TAF3: variants seen among roughly 807,000 people sequenced by gnomAD.
TAF3 encodes transcription initiation factor TFIID subunit 3.
Under a neutral mutation model 80.6 loss-of-function variants are expected in TAF3, and 7 were observed. That is an observed-to-expected ratio of 0.09 (90% CI 0.05 to 0.16). The LOEUF is 0.16. Among genes scored for constraint, TAF3 ranks in the 10% least tolerant of loss-of-function variants. The pLI, the probability that TAF3 is intolerant of heterozygous loss-of-function variation, is 1.00. For missense variants in TAF3, 921 were observed against 1,140.2 expected (o/e 0.81, Z 2.77); for synonymous variants, 444 against 446.1 (o/e 1.00, Z 0.06).
At chr10:7,995,949 T>G (rs1452396017) in intron 4 of TAF3, among the ~76,000 whole-genome samples, 2 of 152,216 alleles carry the variant, frequency 1.3e-5, no homozygotes, top group Non-Finnish European at 2.9e-5. Flanking sequence ...TGATCCAATC[T>G]GAAATATGGA....
intron 2 of TAF3, among the ~76,000 whole-genome samples, chr10:7,847,379 A>G (rs1484781004): frequency 6.6e-6 from 1 of 152,248 alleles, no homozygotes; most frequent in Non-Finnish European, 1.5e-5. Context: ...GAAAGAATAT[A>G]TGAGAGTTTA....
chr10:7,883,834 C>G (rs1319901055), intron 2 of TAF3, among the ~76,000 whole-genome samples: 2 of 152,140 alleles, frequency 1.3e-5, no homozygotes, highest in Admixed American at 6.5e-5. Flanking sequence ...AGGAATTTAT[C>G]TCTTATGGTT....
intron 2 of TAF3, among the ~76,000 whole-genome samples, chr10:7,893,122 A>G (rs1837472416): frequency 1.3e-5 from 2 of 152,218 alleles, no homozygotes; most frequent in Admixed American, 1.3e-4. Flanking sequence ...GCCCAGCTTC[A>G]ATATATTTTC....
chr10:8,007,443 C>T (rs556588950), intron 4 of TAF3, among the ~76,000 whole-genome samples: 53 of 151,148 alleles, frequency 3.5e-4, no homozygotes, highest in African/African-American at 1.3e-3. Context: ...TGTCTTAGGG[C>T]AGTGGTTGCT....
At chr10:7,966,545 G>A (rs1163789897) in intron 3 of TAF3, among the ~76,000 whole-genome samples, 3 of 152,222 alleles carry the variant, frequency 2.0e-5, no homozygotes, top group Admixed American at 1.3e-4. Flanking sequence ...TACAGCAGCC[G>A]GCTGGGTTAT....
intron 2 of TAF3, among the ~76,000 whole-genome samples, chr10:7,865,838 C>T (rs548009107): frequency 1.6e-3 from 238 of 152,352 alleles, no homozygotes; most frequent in African/African-American, 5.4e-3. Flanking sequence ...CCATTTCCTT[C>T]CTTTCTGCTC....
intron 2 of TAF3, among the ~76,000 whole-genome samples, chr10:7,917,201 G>A (rs950574836): frequency 6.6e-5 from 10 of 152,316 alleles, no homozygotes; most frequent in Non-Finnish European, 1.2e-4. Flanking sequence ...AATTTCAGGC[G>A]GTAATAAGTG....
chr10:7,885,319 GTAGT>G (rs1201343180), intron 2 of TAF3, among the ~76,000 whole-genome samples: 4 of 152,024 alleles, frequency 2.6e-5, no homozygotes, highest in Non-Finnish European at 4.4e-5. Context: ...TACCCCCAGT[GTAGT>G]TAGTGAGGTT....
chr10:7,931,157 G>T (rs1003608281), intron 2 of TAF3, among the ~76,000 whole-genome samples: 3 of 152,144 alleles, frequency 2.0e-5, no homozygotes, highest in Non-Finnish European at 4.4e-5. Flanking sequence ...TAGTCAAAAT[G>T]CATCGAGTGT....
chr10:7,850,695 G>GTATA (rs536986979), intron 2 of TAF3, among the ~76,000 whole-genome samples: 1 of 130,938 alleles, frequency 7.6e-6, no homozygotes, highest in Non-Finnish European at 1.7e-5. Flanking sequence ...AAATATATAT[G>GTATA]TATATATATA....
chr10:7,948,600 G>C (rs1838050332), intron 2 of TAF3, among the ~76,000 whole-genome samples: 1 of 152,136 alleles, frequency 6.6e-6, no homozygotes. Context: ...TGGTCTCCTA[G>C]TGTGTTGGGT....
intron 2 of TAF3, among the ~76,000 whole-genome samples, chr10:7,867,766 A>G (rs1341023072): frequency 6.6e-6 from 1 of 152,208 alleles, no homozygotes; most frequent in African/African-American, 2.4e-5. Flanking sequence ...TGACCCTTGA[A>G]CAATATGGGA....
rs10508336 is a variant in TAF3, at chr10:7,834,867, G to T, written c.409+10307G>T. 1.4e-4 allele frequency among the ~76,000 whole-genome samples: 21 copies of T among 151,804 alleles called. 1 individual carries two copies. Among genetic ancestry groups the T allele is most frequent in the Admixed American group, 1.4e-3 (21 of 15,240 alleles). ...GAAACCAATTTTCTTTCATTTTACC[G>T]TGTGTATCTTGTCAGATCATATAGC... On this transcript the variant is annotated intron_variant, in intron 2 of 6. Coordinates refer to ENST00000344293, the MANE Select transcript of TAF3 (RefSeq NM_031923.4).
chr10:7,902,652 G>A (rs1239650249), intron 2 of TAF3, among the ~76,000 whole-genome samples: 5 of 151,980 alleles, frequency 3.3e-5, no homozygotes, highest in Admixed American at 2.0e-4. Context: ...GGTGTCTATC[G>A]GATGTTTTTC....
intron 3 of TAF3, among the ~76,000 whole-genome samples, chr10:7,976,174 C>G (rs1831670828): frequency 6.6e-6 from 1 of 152,046 alleles, no homozygotes; most frequent in Admixed American, 6.5e-5. Context: ...AGGTCTTTAT[C>G]TTATTTGGCA....
intron 2 of TAF3, among the ~76,000 whole-genome samples, chr10:7,957,657 A>G (rs1247707770): frequency 3.9e-5 from 6 of 152,192 alleles, no homozygotes; most frequent in African/African-American, 1.4e-4. Context: ...TGTTTCTCAC[A>G]TATGTACAGA....
chr10:7,827,959 A>G (rs1451527797), intron 2 of TAF3, among the ~76,000 whole-genome samples: 1 of 152,126 alleles, frequency 6.6e-6, no homozygotes, highest in Non-Finnish European at 1.5e-5. Flanking sequence ...GTCTCAAAAA[A>G]AAATAAAACA....
At chr10:7,842,347 A>G (rs1338845485) in intron 2 of TAF3, among the ~76,000 whole-genome samples, 1 of 151,614 alleles carries the variant, frequency 6.6e-6, no homozygotes, top group African/African-American at 2.4e-5. Context: ...TTTTGTAGAG[A>G]TGAGGTTTCA....
At chr10:7,924,141 C>T (rs754777663) in intron 2 of TAF3, among the ~76,000 whole-genome samples, 147 of 152,300 alleles carry the variant, frequency 9.7e-4, no homozygotes, top group Admixed American at 2.7e-3. Flanking sequence ...ATACATCATT[C>T]TTAGACAGTG....
Sources: gnomAD v4.1 joint callset for allele counts (sites outside exome capture counted in the v4.1 genomes callset) on GRCh38, gnomAD v4.1.1 for gene constraint, MANE v1.5 for transcripts, NCBI Gene and HGNC (gene_info 2026-07-23, HGNC 2026-07-21) for gene names.